The following USP15 variants were observed in gnomAD, a reference collection of about 807,000 sequenced individuals.
The protein encoded by USP15 is ubiquitin carboxyl-terminal hydrolase 15.
In USP15, 18 loss-of-function variants were observed where a neutral mutation model predicts 127.1. The observed-to-expected ratio is 0.14, with a 90% CI of 0.10 to 0.21. The LOEUF is 0.21. USP15 is among the 10% of genes least tolerant of loss of function. USP15 has a pLI of 1.00. For missense variants in USP15, 805 were observed against 1,159.9 expected (o/e 0.69, Z 4.44); for synonymous variants, 364 against 393.7 (o/e 0.92, Z 0.89).
chr12:62,327,625 A>T, intron 6 of USP15: 1 of 436,740 alleles, frequency 2.3e-6, no homozygotes, highest in Non-Finnish European at 4.5e-6. Flanking sequence ...TGCCCAAAAG[A>T]TGACTAATTT....
chr12:62,294,483 T>C (rs1385417506), intron 2 of USP15, 177 bp downstream of exon 2: 2 of 589,900 alleles, frequency 3.4e-6, no homozygotes, highest in Non-Finnish European at 5.3e-6. Context: ...TAGTTATTAT[T>C]CTGTATGACA....
chr12:62,389,932 T>C lies in USP15; in HGVS notation c.1788T>C (p.Ala596=), dbSNP rs1367751170. The C allele has an allele frequency of 1.2e-6, 2 of 1,613,708 alleles. No individual in the cohort carries two copies. The highest frequency in any genetic ancestry group is 1.1e-5 in the South Asian group (1 of 91,042). ...SSLFGQPFLM[A]VPRNNTEDKL... is the part of the protein sequence containing the mutation. ...TTTTTGGTCAGCCCTTTCTTATGGC[T>C]GTACCACGAAACAATACTGAAGACA... The change falls in exon 14 of 22, where the codon GCT becomes GCC. Residue 596 remains alanine (A), a synonymous_variant. Transcript: ENST00000280377.
chr12:62,286,979 G>A (rs1224349110), intron 1 of USP15, among the ~76,000 whole-genome samples: 3 of 151,196 alleles, frequency 2.0e-5, no homozygotes, highest in African/African-American at 7.3e-5. Context: ...ATGCAATACT[G>A]TGCAGCTATC....
At chr12:62,318,316 G>GT (rs1191196862) in intron 4 of USP15, among the ~76,000 whole-genome samples, 1 of 152,074 alleles carries the variant, frequency 6.6e-6, no homozygotes, top group Non-Finnish European at 1.5e-5. Context: ...CACTCTGTTG[G>GT]TACTACTACT....
chr12:62,335,455 T>C, intron 6 of USP15: 3 of 1,331,932 alleles, frequency 2.3e-6, no homozygotes, highest in Non-Finnish European at 2.9e-6. Context: ...TCTGATCACC[T>C]TACTATTTAA....
At chr12:62,331,727 C>CA (rs2065308761) in intron 6 of USP15, among the ~76,000 whole-genome samples, 1 of 151,816 alleles carries the variant, frequency 6.6e-6, no homozygotes, top group Non-Finnish European at 1.5e-5. Flanking sequence ...GCTAAATATT[C>CA]AAAAAATGTT....
intron 3 of USP15, among the ~76,000 whole-genome samples, chr12:62,307,011 G>A (rs377568907): frequency 3.3e-5 from 5 of 152,194 alleles, no homozygotes; most frequent in East Asian, 3.9e-4. Flanking sequence ...AGAAGCTTAC[G>A]GGCAACCCCT....
intron 19 of USP15, chr12:62,393,690 GGTGATTCT>G: frequency 6.6e-6 from 1 of 152,548 alleles, no homozygotes; most frequent in East Asian, 1.9e-4. Context: ...CCTGGATTCA[GGTGATTCT>G]CCTGCCTCAG....
intron 6 of USP15, chr12:62,327,756 A>G (rs2065170196): frequency 2.7e-6 from 1 of 376,476 alleles, no homozygotes; most frequent in Admixed American, 3.9e-5. Flanking sequence ...CACCATACTC[A>G]TGCAATAAAT....
Position 62,325,918 on chromosome 12 carries a change from G to A in USP15, c.668G>A (p.Gly223Asp). 3.1e-6 allele frequency: 5 copies of A among 1,609,818 alleles called. No individual in the cohort carries two copies. The highest frequency in any genetic ancestry group is 4.2e-6 in the Non-Finnish European group (5 of 1,177,512). ...AATGAAGATGGAACATGGCCAAGGG[G>A]TCCTTCTACTCCTAAGTAAGTGCTC... The part of the protein sequence containing the change: ...QKNEDGTWPR[G>D]PSTPKSPGAS... The change falls in exon 6 of 22, where the codon GGT becomes GAT. Residue 223 changes from glycine (G) to aspartate (D), a missense_variant. Around this residue, in one of 11 missense-constraint regions of USP15, gnomAD observed 84 missense variants for 107.7 expected, o/e 0.78. Transcript: ENST00000280377.
At chr12:62,267,533 A>G (rs1346646413) in intron 1 of USP15, among the ~76,000 whole-genome samples, 1 of 152,130 alleles carries the variant, frequency 6.6e-6, no homozygotes, top group African/African-American at 2.4e-5. Flanking sequence ...AGCTCTCCAA[A>G]AAGAAAAGAG....
intron 6 of USP15, among the ~76,000 whole-genome samples, chr12:62,337,702 A>C (rs888374014): frequency 4.7e-5 from 7 of 149,332 alleles, no homozygotes; most frequent in Non-Finnish European, 8.9e-5. Context: ...TCATTGTTCA[A>C]CTCCCACTTA....
Position 62,397,857 on chromosome 12 carries a change from A to G in USP15, c.2674+1459A>G, listed in dbSNP as rs1272793805. 5.4e-5 allele frequency among the ~76,000 whole-genome samples: 8 copies of G among 147,742 alleles called. No individual in the cohort carries two copies. In the East Asian group the frequency reaches 1.6e-3, roughly 29 times the overall value. On this transcript the variant is annotated intron_variant, in intron 20 of 21. Transcript: ENST00000280377. ...GGCAACAGAGCAAGACTCTGTCTCA[A>G]AAAAAAAAAAAAGTATCAGTCTTCC...
At chr12:62,297,468 A>G (rs573040883) in intron 2 of USP15, among the ~76,000 whole-genome samples, 2 of 152,330 alleles carry the variant, frequency 1.3e-5, no homozygotes, top group South Asian at 4.1e-4. Flanking sequence ...AGAGAACTCA[A>G]GGAAGAGGGA....
At chr12:62,326,785 T>A (rs2137304498) in intron 6 of USP15, among the ~76,000 whole-genome samples, 1 of 152,276 alleles carries the variant, frequency 6.6e-6, no homozygotes, top group Non-Finnish European at 1.5e-5. Flanking sequence ...TAATAACAAT[T>A]TAGTACATTT....
intron 2 of USP15, among the ~76,000 whole-genome samples, chr12:62,295,074 G>T (rs2064088580): frequency 1.3e-5 from 2 of 152,098 alleles, no homozygotes; most frequent in African/African-American, 4.8e-5. Context: ...GAAAACCAAG[G>T]CTACAAGAGT....
At chr12:62,331,133 T>G (rs1041321053) in intron 6 of USP15, among the ~76,000 whole-genome samples, 4 of 152,204 alleles carry the variant, frequency 2.6e-5, no homozygotes, top group Non-Finnish European at 4.4e-5. Context: ...ATGAAAATGC[T>G]AGTTCTGATA....
intron 6 of USP15, among the ~76,000 whole-genome samples, chr12:62,344,827 ACT>A (rs2065763996): frequency 6.6e-6 from 1 of 152,082 alleles, no homozygotes; most frequent in African/African-American, 2.4e-5. Flanking sequence ...GGGCTTCCAC[ACT>A]CTGAAGCAAC....
intron 19 of USP15, among the ~76,000 whole-genome samples, chr12:62,395,287 C>T (rs2067451865): frequency 6.6e-6 from 1 of 152,032 alleles, no homozygotes; most frequent in Admixed American, 6.6e-5. Flanking sequence ...ACTGTTTTTC[C>T]TGGTATACTG....
Sources: allele counts gnomAD v4.1 joint callset (sites outside exome capture counted in the v4.1 genomes callset), GRCh38; gene constraint gnomAD v4.1.1; regional missense constraint gnomAD v4.1.1; transcripts MANE v1.5; gene names NCBI Gene and HGNC (gene_info 2026-07-23, HGNC 2026-07-21).